TET3: variants seen among roughly 807,000 people sequenced by gnomAD.
The protein encoded by TET3 is methylcytosine dioxygenase TET3.
TET3 carries 19 observed loss-of-function variants against 141.4 expected under a neutral mutation model. That is an observed-to-expected ratio of 0.13 (90% CI 0.09 to 0.20). TET3 has a LOEUF of 0.20. Among genes scored for constraint, TET3 ranks in the 10% least tolerant of loss-of-function variants. The probability of loss-of-function intolerance (pLI) is 1.00; values close to 1 mark genes in which losing one functional copy is unlikely to be tolerated. For missense variants in TET3, 1,874 were observed against 2,356.9 expected (o/e 0.80, Z 4.24); for synonymous variants, 1,043 against 980.9 (o/e 1.06, Z -1.18).
chr2:73,990,103 C>T (rs1295183249), intron 2 of TET3, among the ~76,000 whole-genome samples: 2 of 151,830 alleles, frequency 1.3e-5, no homozygotes, highest in East Asian at 1.9e-4. Flanking sequence ...TGTAAAGATG[C>T]AATACAAGGG....
chr2:74,110,491 CATCATGTCCCTGCAAG>C (rs1387600834), downstream of TET3, among the ~76,000 whole-genome samples: 1 of 152,146 alleles, frequency 6.6e-6, no homozygotes, highest in Admixed American at 6.5e-5. Flanking sequence ...TCCATACATA[CATCATGTCCCTGCAAG>C]GGGACATGAA....
rs1691236972 is a variant in TET3, at chr2:74,101,818, C to T, written c.5030C>T (p.Pro1677Leu). Residue 1677 changes from proline (P) to leucine (L), a missense_variant, in exon 12 of 12, where the codon CCG (proline) becomes CTG (leucine). By Grantham distance (98) the Pro-to-Leu change is moderately conservative. This residue lies in a region of TET3 where 41 missense variants were observed against 116.8 expected (regional missense o/e 0.35). Coordinates refer to ENST00000409262, the MANE Select transcript of TET3 (RefSeq NM_001287491.2). This position sits in a 1 kb window ranked among gnomAD's most constrained non-coding sequence, Gnocchi z 8.5. ...CGGCGGGAGCTGCACGCCACCACGCCGCTTAAGAAGCCCAACCGCTGCCAC... is the reference window on the plus strand; with the variant it reads ...CGGCGGGAGCTGCACGCCACCACGCTGCTTAAGAAGCCCAACCGCTGCCAC... The part of the protein sequence containing the change: ...CARRELHATT[P>L]LKKPNRCHPT... The T allele has an allele frequency of 2.5e-6, 4 of 1,612,908 alleles. No homozygotes were observed. Among genetic ancestry groups the T allele is most frequent in the South Asian group, 1.1e-5 (1 of 91,092 alleles).
chr2:74,105,177 T>C lies in TET3; in HGVS notation c.*3001T>C, dbSNP rs1406745394. 1.0e-5 allele frequency: 4 copies of C among 398,476 alleles called. No individual in the cohort carries two copies. Among genetic ancestry groups the C allele is most frequent in the African/African-American group, 4.1e-5 (2 of 48,610 alleles). The allele number at this position is 398,476 out of a possible 1,614,324, so 24.7% of individuals were successfully genotyped here. ...AGAAGAAAAATAAAGCCATTGCAACTAAAGAACCTAACAGCATGACCAAGT... is the reference window on the plus strand; with the variant it reads ...AGAAGAAAAATAAAGCCATTGCAACCAAAGAACCTAACAGCATGACCAAGT... On this transcript the variant is annotated 3_prime_UTR_variant, in exon 12 of 12. Coordinates refer to ENST00000409262, the MANE Select transcript of TET3 (RefSeq NM_001287491.2).
At chr2:74,017,618 T>C (rs563282140) in intron 3 of TET3, among the ~76,000 whole-genome samples, 84 of 152,334 alleles carry the variant, frequency 5.5e-4, no homozygotes, top group African/African-American at 1.8e-3. Context: ...TATGTGCACG[T>C]ACCACGTGTT....
At chr2:74,025,437 A>G (rs1420012829) in intron 3 of TET3, among the ~76,000 whole-genome samples, 1 of 150,036 alleles carries the variant, frequency 6.7e-6, no homozygotes, top group African/African-American at 2.4e-5. Context: ...ACAGGCACCC[A>G]CCACCACGCC....
intron 3 of TET3, among the ~76,000 whole-genome samples, chr2:74,018,432 G>T (rs1685852893): frequency 6.6e-6 from 1 of 152,044 alleles, no homozygotes; most frequent in Non-Finnish European, 1.5e-5. Flanking sequence ...CAGTATTTTG[G>T]CTTTTCTTAC....
At position 74,047,622 on chromosome 2, in the gene TET3, C is replaced by T. The variant is rs749919860; in HGVS notation, c.1705C>T (p.Arg569Trp). Residue 569 changes from arginine to tryptophan, a missense_variant, in exon 4 of 12, where the codon CGG becomes TGG. Around this residue, in one of 10 missense-constraint regions of TET3, gnomAD observed 484 missense variants for 462.2 expected, o/e 1.05. Coordinates refer to ENST00000409262, the MANE Select transcript of TET3 (RefSeq NM_001287491.2). ...GCCCCCACCAAGTTCACCTGTCCCA[C>T]GGCTTCCAGACAGACCACCCAAGGA... ...WWPPPSSPVP[R>W]LPDRPPKEKK... The T allele has an allele frequency of 2.0e-5, 32 of 1,613,524 alleles. No individual in the cohort carries two copies. The highest frequency in any genetic ancestry group is 3.3e-5 in the South Asian group (3 of 90,994).
chr2:74,123,720 A>G, the TET3 span, among the ~76,000 whole-genome samples: 1 of 146,356 alleles, frequency 6.8e-6, no homozygotes, highest in Non-Finnish European at 1.5e-5. Flanking sequence ...CTGGCCGCCC[A>G]TCGTCAGGGA....
At chr2:74,062,498 T>C (rs1204113192) in intron 4 of TET3, among the ~76,000 whole-genome samples, 3 of 152,230 alleles carry the variant, frequency 2.0e-5, no homozygotes, top group African/African-American at 7.2e-5. Context: ...GAGGGAAATA[T>C]GTTCCTGAGG....
chr2:74,088,454 A>C (rs1449246225), intron 7 of TET3, among the ~76,000 whole-genome samples: 2 of 151,790 alleles, frequency 1.3e-5, no homozygotes, highest in African/African-American at 2.4e-5. Context: ...CAGCCTGGCC[A>C]ATACGGTGAA....
At chr2:73,998,307 C>T (rs13416937) in intron 2 of TET3, 23,094 of 152,118 alleles carry the variant, frequency 0.15, 2,273 homozygotes, top group African/African-American at 0.27. Flanking sequence ...GGCGAGGAGA[C>T]CCTGACAAGG....
the TET3 span, among the ~76,000 whole-genome samples, chr2:74,119,216 G>T: frequency 9.5e-4 from 144 of 152,230 alleles, 4 homozygotes; most frequent in South Asian, 0.028. Flanking sequence ...AGCTGGGTAT[G>T]GTGTCACGTG....
At chr2:74,096,342 G>T (rs978304223) in intron 10 of TET3, among the ~76,000 whole-genome samples, 2 of 152,196 alleles carry the variant, frequency 1.3e-5, no homozygotes, top group African/African-American at 4.8e-5. Flanking sequence ...AACTCAGAGT[G>T]CCTCTAAGTG....
At position 74,048,369 on chromosome 2, in the gene TET3, G is replaced by A. The variant is rs373705568; in HGVS notation, c.2452G>A (p.Ala818Thr). Residue 818 changes from alanine (A) to threonine (T), a missense_variant, in exon 4 of 12, where the codon GCC (alanine) becomes ACC (threonine). Ala to Thr is a moderately conservative substitution (Grantham distance 58). This residue lies in a region of TET3 where 83 missense variants were observed against 107.0 expected (regional missense o/e 0.78). Coordinates refer to ENST00000409262, the MANE Select transcript of TET3 (RefSeq NM_001287491.2). ...CACCAAGAGTCTGCTGGACACACCT[G>A]CCAAGAGAGCCCAGGCCGAGTTCCC... ...TPTKSLLDTP[A>T]KRAQAEFPTC... 3 of 1,612,728 alleles carry A rather than the reference G, an allele frequency of 1.9e-6. No individual in the cohort carries two copies. Among genetic ancestry groups the A allele is most frequent in the Non-Finnish European group, 2.5e-6 (3 of 1,179,472 alleles).
intron 3 of TET3, among the ~76,000 whole-genome samples, chr2:74,043,227 T>C (rs1687437272): frequency 6.6e-6 from 1 of 152,266 alleles, no homozygotes. Flanking sequence ...CACATTAGTT[T>C]AGGCTTCTAA....
chr2:74,003,155 G>A lies in TET3; in HGVS notation c.349G>A (p.Ala117Thr), dbSNP rs1190786206. Residue 117 changes from alanine (A) to threonine (T), a missense_variant, in exon 3 of 12, where the codon GCG (alanine) becomes ACG (threonine). Physicochemically the swap from Ala to Thr is moderately conservative, Grantham distance 58. Transcript: ENST00000409262. ...AGGAGCCGGGCCGTGGGGACAAGGAGCGGCTGTCAAGGTACCTTGTGTGTG... is the reference window on the plus strand; with the variant it reads ...AGGAGCCGGGCCGTGGGGACAAGGAACGGCTGTCAAGGTACCTTGTGTGTG... ...GEGAGPWGQG[A>T]AVKTGSELSP... is the part of the protein sequence containing the mutation. The A allele has an allele frequency of 6.5e-7, 1 of 1,550,334 alleles. No homozygotes were observed. The highest frequency in any genetic ancestry group is 1.4e-5 in the African/African-American group (1 of 73,022).
chr2:74,010,121 T>G (rs1188960729), intron 3 of TET3, among the ~76,000 whole-genome samples: 1 of 152,212 alleles, frequency 6.6e-6, no homozygotes, highest in South Asian at 2.1e-4. Context: ...GGGTAGTAGT[T>G]AGGGCTGAGC....
chr2:74,117,088 A>T, the TET3 span, among the ~76,000 whole-genome samples: 2 of 152,182 alleles, frequency 1.3e-5, no homozygotes, highest in Non-Finnish European at 2.9e-5. Flanking sequence ...AAGAGGTGGT[A>T]AGAAGGGGTC....
chr2:74,078,471 T>A (rs550660292), intron 5 of TET3, among the ~76,000 whole-genome samples: 19 of 152,370 alleles, frequency 1.2e-4, no homozygotes, highest in African/African-American at 4.3e-4. Flanking sequence ...TACATACAAT[T>A]CTACCTAATC....
Sources: allele counts gnomAD v4.1 joint callset (sites outside exome capture counted in the v4.1 genomes callset), GRCh38; gene constraint gnomAD v4.1.1; regional missense constraint gnomAD v4.1.1; non-coding constraint Gnocchi (gnomAD v3.1); transcripts MANE v1.5; gene names NCBI Gene and HGNC (gene_info 2026-07-23, HGNC 2026-07-21).